DPH6: variants seen among roughly 807,000 people sequenced by gnomAD.
DPH6 encodes the protein diphthamine biosynthesis 6.
DPH6 carries 33 observed loss-of-function variants against 38.2 expected under a neutral mutation model. The ratio of observed to expected loss-of-function variants is 0.86; its 90% CI spans 0.65 to 1.15. The LOEUF is 1.15. DPH6 is among the 50% of genes most tolerant of loss of function. DPH6 has a pLI of 0.00. For missense variants in DPH6, 325 were observed against 320.0 expected (o/e 1.02, Z -0.12); for synonymous variants, 108 against 103.0 (o/e 1.05, Z -0.30).
intron 3 of DPH6, chr15:35,237,179 G>T: frequency 1.6e-6 from 1 of 637,946 alleles, no homozygotes; most frequent in South Asian, 1.9e-5. Flanking sequence ...AGCATTAAAA[G>T]AATGACCATT....
the DPH6 span, among the ~76,000 whole-genome samples, chr15:35,183,301 T>C: frequency 6.6e-6 from 1 of 152,212 alleles, no homozygotes; most frequent in Non-Finnish European, 1.5e-5. Context: ...TACATTTCCT[T>C]CTCAGCAGGG....
chr15:35,332,177 G>A (rs946480992), intron 3 of DPH6, among the ~76,000 whole-genome samples: 1 of 151,982 alleles, frequency 6.6e-6, no homozygotes, highest in African/African-American at 2.4e-5. Context: ...TAAAATATCA[G>A]AAAATAATTT....
chr15:35,504,533 G>A (rs1311387435), intron 3 of DPH6, among the ~76,000 whole-genome samples: 1 of 150,572 alleles, frequency 6.6e-6, no homozygotes, highest in Non-Finnish European at 1.5e-5. Context: ...ATATTGTACT[G>A]TTACTCATAA....
intron 5 of DPH6, among the ~76,000 whole-genome samples, chr15:35,427,118 A>G (rs2053579741): frequency 6.6e-6 from 1 of 151,892 alleles, no homozygotes; most frequent in Non-Finnish European, 1.5e-5. Flanking sequence ...GACAGCAAGT[A>G]AAGAGGATGT....
chr15:35,178,857 A>AT, the DPH6 span, among the ~76,000 whole-genome samples: 1 of 152,052 alleles, frequency 6.6e-6, no homozygotes, highest in Non-Finnish European at 1.5e-5. Flanking sequence ...CATCCAACAT[A>AT]TTTTTGTACC....
intron 5 of DPH6, among the ~76,000 whole-genome samples, chr15:35,437,163 C>T (rs566106135): frequency 1.1e-4 from 17 of 152,224 alleles, no homozygotes; most frequent in African/African-American, 3.6e-4. Context: ...CTTTCTCTCC[C>T]TCACATATCC....
intron 3 of DPH6, among the ~76,000 whole-genome samples, chr15:35,362,978 T>C: frequency 6.6e-6 from 1 of 152,226 alleles, no homozygotes; most frequent in East Asian, 1.9e-4. Context: ...ATTACTGATT[T>C]TTAGCATAAT....
intron 6 of DPH6, among the ~76,000 whole-genome samples, chr15:35,392,111 G>T (rs1185289137): frequency 6.6e-6 from 1 of 152,150 alleles, no homozygotes; most frequent in Admixed American, 6.5e-5. Context: ...GCTAACTTGG[G>T]TGATTTCATG....
rs1595380455 is a variant in DPH6 at position 35,455,859 on chromosome 15, C to T, written c.313-1039G>A. 2.0e-5 allele frequency among the ~76,000 whole-genome samples: 3 copies of T among 152,248 alleles called. No individual in the cohort carries two copies. The South Asian group carries it at 6.2e-4, about 32-fold the overall frequency. The stretch of plus-strand genomic sequence containing the variant: ...TCATGAATACTCTGGTCTTACCAAA[C>T]TTGGACAACTAGAAAGAAAAACAAA... On this transcript the variant is annotated intron_variant, in intron 3 of 8. Coordinates refer to ENST00000256538, the MANE Select transcript of DPH6 (RefSeq NM_080650.4).
intron 6 of DPH6, among the ~76,000 whole-genome samples, chr15:35,392,937 C>G (rs2053079583): frequency 6.6e-6 from 1 of 152,136 alleles, no homozygotes; most frequent in Admixed American, 6.5e-5. Flanking sequence ...ATGAGTTTGG[C>G]ATAGCTGGAG....
intron 3 of DPH6, among the ~76,000 whole-genome samples, chr15:35,488,790 A>C (rs999814566): frequency 2.0e-5 from 3 of 152,226 alleles, no homozygotes; most frequent in Non-Finnish European, 4.4e-5. Context: ...AGGAAATTAT[A>C]ATCAGTAAAA....
chr15:35,422,496 A>C (rs2053518239), intron 5 of DPH6, among the ~76,000 whole-genome samples: 1 of 151,976 alleles, frequency 6.6e-6, no homozygotes, highest in Non-Finnish European at 1.5e-5. Flanking sequence ...ATATATGCAA[A>C]CACTGTAAAA....
At chr15:35,452,714 CA>C (rs1352983207) in intron 4 of DPH6, among the ~76,000 whole-genome samples, 3 of 152,020 alleles carry the variant, frequency 2.0e-5, no homozygotes, top group Non-Finnish European at 4.4e-5. Flanking sequence ...TTAATAAATA[CA>C]AAAAGAATAA....
the DPH6 span, among the ~76,000 whole-genome samples, chr15:35,171,585 A>G: frequency 6.6e-6 from 1 of 152,160 alleles, no homozygotes; most frequent in Non-Finnish European, 1.5e-5. Flanking sequence ...CTTTATTCTA[A>G]TATCTTTTGT....
downstream of DPH6, among the ~76,000 whole-genome samples, chr15:35,366,223 T>C (rs917174647): frequency 5.3e-5 from 7 of 132,536 alleles, no homozygotes; most frequent in Non-Finnish European, 1.1e-4. Flanking sequence ...ACACTTTTAG[T>C]CATCTTGTGT....
At chr15:35,253,721 G>C (rs2051689678) in intron 3 of DPH6, among the ~76,000 whole-genome samples, 1 of 152,078 alleles carries the variant, frequency 6.6e-6, no homozygotes, top group East Asian at 1.9e-4. Context: ...TAAAAATCCA[G>C]ACCACAGAAA....
chr15:35,298,706 C>G, intron 3 of DPH6: 1 of 1,580,198 alleles, frequency 6.3e-7, no homozygotes, highest in East Asian at 2.2e-5. Context: ...CTGGCCCTCC[C>G]GGAAGCCGTA....
chr15:35,359,342 C>T (rs919380452), intron 3 of DPH6, among the ~76,000 whole-genome samples: 1 of 152,182 alleles, frequency 6.6e-6, no homozygotes, highest in Non-Finnish European at 1.5e-5. Context: ...TGGTTCTTCC[C>T]CTGCCTGTGG....
chr15:35,347,587 A>G (rs908259982), intron 3 of DPH6, among the ~76,000 whole-genome samples: 10 of 85,118 alleles, frequency 1.2e-4, no homozygotes, highest in Admixed American at 3.5e-4. Context: ...AAATACTGCA[A>G]TAAACTTGGA....
Sources: allele counts gnomAD v4.1 joint callset (sites outside exome capture counted in the v4.1 genomes callset), GRCh38; gene constraint gnomAD v4.1.1; transcripts MANE v1.5; gene names NCBI Gene and HGNC (gene_info 2026-07-23, HGNC 2026-07-21).